Variants in PRMT2 observed in about 807,000 individuals in gnomAD.
PRMT2 encodes the protein protein arginine N-methyltransferase 2.
PRMT2 carries 26 observed loss-of-function variants against 57.6 expected under a neutral mutation model. The observed-to-expected ratio is 0.45, with a 90% confidence interval of 0.33 to 0.63. The LOEUF is 0.63. Among genes scored for constraint, PRMT2 ranks in the 20% least tolerant of loss-of-function variants. The pLI is 0.02. For synonymous variants in PRMT2, 219 were observed against 220.0 expected, an observed-to-expected ratio of 1.00 and a Z score of 0.04; for missense variants, 472 against 564.4, an observed-to-expected ratio of 0.84 and a Z score of 1.66.
At chr21:46,661,434 G>C (rs934235717) in intron 9 of PRMT2, 1 of 173,902 alleles carries the variant, frequency 5.8e-6, no homozygotes, top group African/African-American at 2.4e-5. Flanking sequence ...CCCAGCTGGC[G>C]CCGCGTCTGG....
Position 46,641,491 on chromosome 21 carries a change from C to T in PRMT2, c.40-2044C>T, listed in dbSNP as rs192586026. ...TCACTTGAAGTGGGGAGTTCGAGAC[C>T]AGCCTGGCCAACATGATGAAACCCC... On this transcript the variant is annotated intron_variant, in intron 3 of 11. Transcript: ENST00000355680. 3.0e-3 allele frequency among the ~76,000 whole-genome samples: 457 copies of T among 152,234 alleles called. 5 individuals are homozygous for T. Among genetic ancestry groups the T allele is most frequent in the Non-Finnish European group, 4.2e-3 (285 of 68,010 alleles).
chr21:46,647,506 TA>T (rs1186450346), intron 5 of PRMT2, among the ~76,000 whole-genome samples: 1 of 152,204 alleles, frequency 6.6e-6, no homozygotes, highest in Non-Finnish European at 1.5e-5. Context: ...TTTTGTTTTT[TA>T]TGTTTTTTAG....
chr21:46,661,275 G>T, intron 9 of PRMT2: 5 of 200,938 alleles, frequency 2.5e-5, no homozygotes, highest in Admixed American at 6.0e-5. Context: ...GTTTCATTAT[G>T]GTATTTGCAT....
rs1196081594 is a variant in PRMT2, at chr21:46,648,077, A to T, written c.328-381A>T. Among the ~76,000 whole-genome samples the T allele has an allele frequency of 6.6e-6, 1 of 152,136 alleles. No individual in the cohort carries two copies. Among genetic ancestry groups the T allele is most frequent in the African/African-American group, 2.4e-5 (1 of 41,400 alleles). On this transcript the variant is annotated intron_variant, in intron 5 of 11. Transcript: ENST00000355680. This position sits in a 1 kb window ranked among gnomAD's most constrained non-coding sequence, Gnocchi z 4.8. ...TCTCCTTTAGTAGGTACTGCATGGA[A>T]TGTTTATGTTAATTTTGGGAGAGCT... is the stretch of plus-strand genomic sequence containing the variant.
chr21:46,652,180 G>C, intron 7 of PRMT2: 1 of 1,423,186 alleles, frequency 7.0e-7, no homozygotes, highest in Non-Finnish European at 9.2e-7. Context: ...ATAAACCTCA[G>C]ATGGGCTCAA....
Position 46,660,889 on chromosome 21 carries a change from C to T in PRMT2, c.887C>T (p.Pro296Leu). 6.2e-7 allele frequency: 1 copy of T among 1,613,270 alleles called. No individual in the cohort carries two copies. Residue 296 changes from proline (P) to leucine (L), a missense_variant, in exon 9 of 12, where the codon CCA becomes CTA. Physicochemically the swap from Pro to Leu is moderately conservative, Grantham distance 98. Coordinates refer to ENST00000355680, the MANE Select transcript of PRMT2 (RefSeq NM_206962.4). The stretch of plus-strand genomic sequence containing the variant: ...CCCAAGTATAACCACATTTTGAAAC[C>T]AGAAGACTGTCTCTCTGAACCGTGC... ...SKPKYNHILK[P>L]EDCLSEPCTI...
intron 7 of PRMT2, chr21:46,654,139 A>G (rs1340702285): frequency 9.1e-6 from 9 of 985,322 alleles, no homozygotes; most frequent in Non-Finnish European, 1.1e-5. Flanking sequence ...TTTTGATGAA[A>G]TTATCCTAAG....
intron 7 of PRMT2, among the ~76,000 whole-genome samples, chr21:46,650,862 C>T (rs559440423): frequency 2.6e-5 from 4 of 152,320 alleles, no homozygotes; most frequent in South Asian, 2.1e-4. Context: ...ACCGTGTTGC[C>T]GTGTTCCAGG....
At chr21:46,651,566 G>A (rs1479540930) in intron 7 of PRMT2, among the ~76,000 whole-genome samples, 1 of 152,068 alleles carries the variant, frequency 6.6e-6, no homozygotes, top group Non-Finnish European at 1.5e-5. Context: ...GGAGGGGGAA[G>A]GCGGAGCTTT....
chr21:46,642,096 C>G (rs1390280317), intron 3 of PRMT2, among the ~76,000 whole-genome samples: 1 of 152,148 alleles, frequency 6.6e-6, no homozygotes, highest in Non-Finnish European at 1.5e-5. Flanking sequence ...ATTGGTGGTT[C>G]CCTCTCAGCA....
intron 5 of PRMT2, 46 bp downstream of exon 5, chr21:46,644,534 C>G: frequency 2.0e-6 from 3 of 1,530,618 alleles, no homozygotes; most frequent in Non-Finnish European, 1.8e-6. Flanking sequence ...GCGGTGGGTT[C>G]TCTCTAGCTT....
chr21:46,640,427 G>T (rs57606342), intron 3 of PRMT2, among the ~76,000 whole-genome samples: 16,595 of 147,184 alleles, frequency 0.11, 1,176 homozygotes, highest in African/African-American at 0.21. Flanking sequence ...TATGAAATGT[G>T]TTTTGCCTAC....
At chr21:46,635,875 C>T (rs1032877522) in intron 1 of PRMT2, 112 bp downstream of exon 1, 3 of 152,542 alleles carry the variant, frequency 2.0e-5, no homozygotes, top group Admixed American at 2.0e-4. Flanking sequence ...GGCCTCCGCC[C>T]CCTTTTGGGA....
At chr21:46,652,862 T>G (rs1248156978) in intron 7 of PRMT2, 1 of 1,300,410 alleles carries the variant, frequency 7.7e-7, no homozygotes, top group East Asian at 5.6e-5. Context: ...AGGATCTTGC[T>G]TGTTCTCCTG....
In PRMT2 at chr21:46,644,377, T is replaced by C; in HGVS notation, c.216T>C (p.Arg72=). The C allele has an allele frequency of 1.2e-6, 2 of 1,612,632 alleles. No individual in the cohort carries two copies. Among genetic ancestry groups the C allele is most frequent in the Non-Finnish European group, 1.7e-6 (2 of 1,179,420 alleles). The change falls in exon 5 of 12, where the codon CGT becomes CGC. Residue 72 remains arginine (R), a synonymous_variant. Coordinates refer to ENST00000355680, the MANE Select transcript of PRMT2 (RefSeq NM_206962.4). ...QTTADWWWGE[R]AGCCGYIPAN... is the part of the protein sequence containing the mutation. ...CTGCAGATTGGTGGTGGGGTGAGCG[T>C]GCGGGCTGCTGTGGGTACATTCCGG...
At chr21:46,639,980 A>G (rs1409672172) in intron 3 of PRMT2, among the ~76,000 whole-genome samples, 2 of 152,184 alleles carry the variant, frequency 1.3e-5, no homozygotes, top group Non-Finnish European at 2.9e-5. Flanking sequence ...GTGGATAAAT[A>G]AAGGATTTTC....
chr21:46,652,968 T>G, intron 7 of PRMT2: 1 of 1,251,316 alleles, frequency 8.0e-7, no homozygotes, highest in Non-Finnish European at 1.0e-6. Context: ...CCTGGACCTT[T>G]CAGGACGCTT....
chr21:46,658,401 C>T (rs965321312), intron 7 of PRMT2: 37 of 207,420 alleles, frequency 1.8e-4, no homozygotes, highest in Middle Eastern at 1.7e-3. Flanking sequence ...AGTTGGGACC[C>T]GGCAACACTT....
intron 7 of PRMT2, among the ~76,000 whole-genome samples, chr21:46,655,459 CATGATT>C (rs2061527873): frequency 6.6e-6 from 1 of 152,110 alleles, no homozygotes; most frequent in African/African-American, 2.4e-5. Flanking sequence ...GAAGAAAAAT[CATGATT>C]ATATCAATAC....
Sources: gnomAD v4.1 joint callset for allele counts (sites outside exome capture counted in the v4.1 genomes callset) on GRCh38, gnomAD v4.1.1 for gene constraint, Gnocchi (gnomAD v3.1) non-coding constraint, MANE v1.5 for transcripts, NCBI Gene and HGNC (gene_info 2026-07-23, HGNC 2026-07-21) for gene names.